Variants in TMEM86A observed in about 807,000 individuals in gnomAD.
TMEM86A encodes the protein transmembrane protein 86A.
Under a neutral mutation model 19.8 loss-of-function variants are expected in TMEM86A, and 13 were observed. The ratio of observed to expected loss-of-function variants is 0.66; its 90% CI spans 0.43 to 1.04. The LOEUF (loss-of-function observed/expected upper bound fraction) is 1.04. Among genes scored for constraint, TMEM86A ranks in the 50% least tolerant of loss-of-function variants. The probability of loss-of-function intolerance (pLI) is 0.00; values close to 1 mark genes in which losing one functional copy is unlikely to be tolerated. For missense variants in TMEM86A, 248 were observed against 306.8 expected (o/e 0.81, Z 1.43); for synonymous variants, 128 against 129.9 (o/e 0.99, Z 0.10).
Position 18,701,712 on chromosome 11 carries a change from C to T in TMEM86A, c.426C>T (p.Ala142=). 1 of 1,614,156 alleles carries T rather than the reference C, an allele frequency of 6.2e-7. No individual in the cohort carries two copies. The highest frequency in any genetic ancestry group is 1.3e-5 in the African/African-American group (1 of 75,058). The change falls in exon 3 of 3, where the codon GCC becomes GCT. Residue 142 remains alanine (A), a synonymous_variant. Coordinates refer to ENST00000280734, the MANE Select transcript of TMEM86A (RefSeq NM_153347.3). This position sits in a 1 kb window ranked among gnomAD's most constrained non-coding sequence, Gnocchi z 5.3. ...TCCTCTACCCATGCCTCTCAGGTGC[C>T]TTCACCTACCTGGTGGGGGTCTATG... ...YALLYPCLSG[A]FTYLVGVYVA...
Position 18,701,341 on chromosome 11 carries a change from G to A in TMEM86A, c.286+144G>A. 1 of 1,214,088 alleles carries A rather than the reference G, an allele frequency of 8.2e-7. No individual in the cohort carries two copies. The highest frequency in any genetic ancestry group is 1.1e-6 in the Non-Finnish European group (1 of 880,074). The allele number at this position is 1,214,088 out of a possible 1,614,324, so 75.2% of individuals were successfully genotyped here. A position where few individuals can be genotyped will look rare whatever the true frequency, so the allele number is the denominator to read the frequency against. Reference sequence around the variant, plus strand: ...GTTTCTGAGGCCAGGGACTGTGAGGGTCCTTGTTAGGGGATGACCTCGCAG... The same window carrying A: ...GTTTCTGAGGCCAGGGACTGTGAGGATCCTTGTTAGGGGATGACCTCGCAG... On this transcript the variant is annotated intron_variant, in intron 2 of 2. Transcript: ENST00000280734. The surrounding 1 kb of genome is among the most constrained non-coding windows in gnomAD (Gnocchi z 5.3).
At chr11:18,700,523 C>G in intron 1 of TMEM86A, 1 of 229,836 alleles carries the variant, frequency 4.4e-6, no homozygotes, top group South Asian at 7.9e-5. Context: ...AAGGCTGCAC[C>G]CTGGCCCCAT....
intron 1 of TMEM86A, chr11:18,700,591 T>A (rs775102169): frequency 1.1e-5 from 4 of 349,326 alleles, no homozygotes; most frequent in Non-Finnish European, 2.1e-5. Flanking sequence ...CTGACTTCAC[T>A]CCATTCCAGA....
chr11:18,704,514 G>A lies in TMEM86A; in HGVS notation c.*2505G>A. ...CTTCTGCAGACTCTCGGTGATGGATGCTACAACTGACTTATCATCTTTGTC... is the reference window on the plus strand; with the variant it reads ...CTTCTGCAGACTCTCGGTGATGGATACTACAACTGACTTATCATCTTTGTC... On this transcript the variant is annotated 3_prime_UTR_variant, in exon 3 of 3. Transcript: ENST00000280734. 6.5e-7 allele frequency: 1 copy of A among 1,550,316 alleles called. No homozygotes were observed. The highest frequency in any genetic ancestry group is 8.7e-7 in the Non-Finnish European group (1 of 1,146,174).
chr11:18,704,404 G>A lies in TMEM86A; in HGVS notation c.*2395G>A. 9.2e-7 allele frequency: 1 copy of A among 1,089,452 alleles called. No individual in the cohort carries two copies. Among genetic ancestry groups the A allele is most frequent in the Non-Finnish European group, 1.4e-6 (1 of 726,396 alleles). The allele number at this position is 1,089,452 out of a possible 1,614,324, so 67.5% of individuals were successfully genotyped here. ...AACTGGGCTTCCTACACTGGGCCATGCAGAGGACAGGCCAAGAAACTCCAC... is the reference window on the plus strand; with the variant it reads ...AACTGGGCTTCCTACACTGGGCCATACAGAGGACAGGCCAAGAAACTCCAC... On this transcript the variant is annotated 3_prime_UTR_variant, in exon 3 of 3. Transcript: ENST00000280734.
intron 1 of TMEM86A, chr11:18,700,581 C>T (rs1305982576): frequency 2.6e-5 from 8 of 313,172 alleles, no homozygotes; most frequent in Admixed American, 4.5e-5. Flanking sequence ...TGGTTTCCCA[C>T]TGACTTCACT....
In TMEM86A at chr11:18,702,258, C is replaced by A; in HGVS notation, c.*249C>A. The A allele has an allele frequency of 1.8e-6, 1 of 554,244 alleles. No homozygotes were observed. Among genetic ancestry groups the A allele is most frequent in the Non-Finnish European group, 3.2e-6 (1 of 309,016 alleles). The allele number at this position is 554,244 out of a possible 1,614,324, so 34.3% of individuals were successfully genotyped here. ...GAGCCAGAAGTAGACATCTCCCCAC[C>A]TCTACCCTATCAGGACTTTCAAAAC... is the stretch of plus-strand genomic sequence containing the variant. On this transcript the variant is annotated 3_prime_UTR_variant, in exon 3 of 3. Coordinates refer to ENST00000280734, the MANE Select transcript of TMEM86A (RefSeq NM_153347.3).
chr11:18,704,433 A>T lies in TMEM86A; in HGVS notation c.*2424A>T. On this transcript the variant is annotated 3_prime_UTR_variant, in exon 3 of 3. Coordinates refer to ENST00000280734, the MANE Select transcript of TMEM86A (RefSeq NM_153347.3). Reference sequence around the variant, plus strand: ...AGGACAGGCCAAGAAACTCCACATCATAACAGCCTCCTGATGCCTGGGCTT... The same window carrying T: ...AGGACAGGCCAAGAAACTCCACATCTTAACAGCCTCCTGATGCCTGGGCTT... 1 of 1,471,986 alleles carries T rather than the reference A, an allele frequency of 6.8e-7. No homozygotes were observed. The highest frequency in any genetic ancestry group is 9.3e-7 in the Non-Finnish European group (1 of 1,074,460). The allele number at this position is 1,471,986 out of a possible 1,614,324, so 91.2% of individuals were successfully genotyped here.
chr11:18,701,861 C>G lies in TMEM86A; in HGVS notation c.575C>G (p.Thr192Ser), dbSNP rs1245683996. 3.7e-6 allele frequency: 6 copies of G among 1,614,074 alleles called. No homozygotes were observed. The highest frequency in any genetic ancestry group is 1.7e-5 in the Admixed American group (1 of 60,014). Residue 192 changes from threonine to serine, a missense_variant, in exon 3 of 3, where the codon ACC (threonine) becomes AGC (serine). Physicochemically the swap from Thr to Ser is moderately conservative, Grantham distance 58. Transcript: ENST00000280734. This position sits in a 1 kb window ranked among gnomAD's most constrained non-coding sequence, Gnocchi z 5.3. ...GALFFIISDL[T>S]IALNKFCFPV... ...CTCTTCTTTATCATCTCAGACCTGA[C>G]CATCGCCCTCAACAAATTCTGTTTT...
rs933485890 is a variant in TMEM86A at position 18,702,108 on chromosome 11, G to C, written c.*99G>C. 6.1e-6 allele frequency: 8 copies of C among 1,302,152 alleles called. No individual in the cohort carries two copies. In the African/African-American group the frequency reaches 1.2e-4, roughly 19 times the overall value. 80.7% of individuals were successfully genotyped at this position (1,302,152 alleles called of 1,614,324 possible). ...TCAGGATGGCTGCAGTGCCAGCCTG[G>C]GGCAGCAGGTACTGCCTGAGGAATT... On this transcript the variant is annotated 3_prime_UTR_variant, in exon 3 of 3. Transcript: ENST00000280734.
chr11:18,704,761 C>T lies in TMEM86A; in HGVS notation c.*2752C>T. ...TACTGTCTCATTTAAGCCTCATAGT[C>T]CTATAAAGAAGATGAGAAAACAGGC... On this transcript the variant is annotated 3_prime_UTR_variant, in exon 3 of 3. Transcript: ENST00000280734. 2 of 509,238 alleles carry T rather than the reference C, an allele frequency of 3.9e-6. No individual in the cohort carries two copies. The highest frequency in any genetic ancestry group is 2.3e-5 in the South Asian group (1 of 43,588). The allele number at this position is 509,238 out of a possible 1,614,324, so 31.5% of individuals were successfully genotyped here.
At position 18,699,631 on chromosome 11, in the gene TMEM86A, C is replaced by T. The variant is rs1012027288; in HGVS notation, c.21+724C>T. On this transcript the variant is annotated intron_variant, in intron 1 of 2. Transcript: ENST00000280734. The surrounding 1 kb of genome is among the most constrained non-coding windows in gnomAD (Gnocchi z 4.0). Reference sequence around the variant, plus strand: ...CAGGTGGTTGCTGGGCATTGTGGGCCTGGGCATCCCCTCCAGCCGCCTCCT... The same window carrying T: ...CAGGTGGTTGCTGGGCATTGTGGGCTTGGGCATCCCCTCCAGCCGCCTCCT... Among the ~76,000 whole-genome samples the T allele has an allele frequency of 6.6e-6, 1 of 152,140 alleles. No individual in the cohort carries two copies. Among genetic ancestry groups the T allele is most frequent in the African/African-American group, 2.4e-5 (1 of 41,430 alleles).
At position 18,704,351 on chromosome 11, in the gene TMEM86A, T is replaced by C. The variant is rs1848180233; in HGVS notation, c.*2342T>C. 5 of 706,160 alleles carry C rather than the reference T, an allele frequency of 7.1e-6. No homozygotes were observed. Among genetic ancestry groups the C allele is most frequent in the South Asian group, 6.1e-5 (4 of 65,488 alleles). 43.7% of individuals were successfully genotyped at this position (706,160 alleles called of 1,614,324 possible). A position where few individuals can be genotyped will look rare whatever the true frequency, so the allele number is the denominator to read the frequency against. ...TTTATTGCCCCATCCCTTCACTGAA[T>C]GTTTACATTAACAAACACCAGAGAG... On this transcript the variant is annotated 3_prime_UTR_variant, in exon 3 of 3. Coordinates refer to ENST00000280734, the MANE Select transcript of TMEM86A (RefSeq NM_153347.3).
In TMEM86A at chr11:18,704,584, C is replaced by T. The variant is rs760510327; in HGVS notation, c.*2575C>T. 2.4e-6 allele frequency: 3 copies of T among 1,237,266 alleles called. No homozygotes were observed. Among genetic ancestry groups the T allele is most frequent in the African/African-American group, 1.5e-5 (1 of 66,976 alleles). The allele number at this position is 1,237,266 out of a possible 1,614,324, so 76.6% of individuals were successfully genotyped here. A position where few individuals can be genotyped will look rare whatever the true frequency, so the allele number is the denominator to read the frequency against. ...TTCGTTATATTAATGATGCTGGCGACCAGGGAAATTCCAAACTGCTGGACT... is the reference window on the plus strand; with the variant it reads ...TTCGTTATATTAATGATGCTGGCGATCAGGGAAATTCCAAACTGCTGGACT... On this transcript the variant is annotated 3_prime_UTR_variant, in exon 3 of 3. Coordinates refer to ENST00000280734, the MANE Select transcript of TMEM86A (RefSeq NM_153347.3).
At position 18,701,597 on chromosome 11, in the gene TMEM86A, A is replaced by T; in HGVS notation, c.311A>T (p.His104Leu). The part of the protein sequence containing the change: ...VHGLLMFAVT[H>L]MFYASAFGMQ... ...GGTCTGCTGATGTTTGCTGTGACCC[A>T]CATGTTCTACGCCTCGGCCTTTGGC... Residue 104 changes from histidine (H) to leucine (L), a missense_variant, in exon 3 of 3, where the codon CAC becomes CTC. Coordinates refer to ENST00000280734, the MANE Select transcript of TMEM86A (RefSeq NM_153347.3). The surrounding 1 kb of genome is among the most constrained non-coding windows in gnomAD (Gnocchi z 5.3). 6.4e-7 allele frequency: 1 copy of T among 1,565,568 alleles called. No individual in the cohort carries two copies. The highest frequency in any genetic ancestry group is 8.7e-7 in the Non-Finnish European group (1 of 1,154,116).
rs772677712 is a variant in TMEM86A, at chr11:18,704,286, G to A, written c.*2277G>A. ...AATCACATCCATCCCCTTGGTCCCTGCTGTATATCACCCTCAGGAACGGGA... is the reference window on the plus strand; with the variant it reads ...AATCACATCCATCCCCTTGGTCCCTACTGTATATCACCCTCAGGAACGGGA... On this transcript the variant is annotated 3_prime_UTR_variant, in exon 3 of 3. Coordinates refer to ENST00000280734, the MANE Select transcript of TMEM86A (RefSeq NM_153347.3). 2.8e-5 allele frequency: 17 copies of A among 597,922 alleles called. No individual in the cohort carries two copies. The highest frequency in any genetic ancestry group is 4.8e-5 in the Non-Finnish European group (16 of 331,384). The allele number at this position is 597,922 out of a possible 1,614,324, so 37.0% of individuals were successfully genotyped here.
rs1240246182 is a variant in TMEM86A, at chr11:18,699,611, G to C, written c.21+704G>C. Among the ~76,000 whole-genome samples, 1 of 152,178 alleles carries C rather than the reference G, an allele frequency of 6.6e-6. No individual in the cohort carries two copies. Among genetic ancestry groups the C allele is most frequent in the Admixed American group, 6.5e-5 (1 of 15,282 alleles). On this transcript the variant is annotated intron_variant, in intron 1 of 2. Transcript: ENST00000280734. This position sits in a 1 kb window ranked among gnomAD's most constrained non-coding sequence, Gnocchi z 4.0. ...TTAATGCTCCCAGGGGCTGGCAGGT[G>C]GTTGCTGGGCATTGTGGGCCTGGGC...
At position 18,701,096 on chromosome 11, in the gene TMEM86A, T is replaced by A; in HGVS notation, c.185T>A (p.Leu62Gln). The stretch of plus-strand genomic sequence containing the variant: ...CTTCTGGCCCATGGCCTGGGATTCC[T>A]GCTGGCCCACCCCAGCGCCACCCGC... The part of the protein sequence containing the change: ...LFLLAHGLGF[L>Q]LAHPSATRIF... Residue 62 changes from leucine (L) to glutamine (Q), a missense_variant, in exon 2 of 3, where the codon CTG becomes CAG. Leu to Gln is a moderately radical substitution (Grantham distance 113). Transcript: ENST00000280734. This position sits in a 1 kb window ranked among gnomAD's most constrained non-coding sequence, Gnocchi z 5.3. 1 of 1,614,192 alleles carries A rather than the reference T, an allele frequency of 6.2e-7. No homozygotes were observed.
Position 18,699,429 on chromosome 11 carries a change from C to T in TMEM86A, c.21+522C>T, listed in dbSNP as rs973424785. 1.3e-5 allele frequency among the ~76,000 whole-genome samples: 2 copies of T among 152,254 alleles called. No homozygotes were observed. The highest frequency in any genetic ancestry group is 1.3e-4 in the Admixed American group (2 of 15,284). On this transcript the variant is annotated intron_variant, in intron 1 of 2. Transcript: ENST00000280734. The surrounding 1 kb of genome is among the most constrained non-coding windows in gnomAD (Gnocchi z 4.0). ...AAAAGGGGGCATTCTCTATGACATC[C>T]CCTGCTTTTCAGACTTTCTCAACTT...
Sources: allele counts gnomAD v4.1 joint callset (sites outside exome capture counted in the v4.1 genomes callset), GRCh38; gene constraint gnomAD v4.1.1; non-coding constraint Gnocchi (gnomAD v3.1); transcripts MANE v1.5; gene names NCBI Gene and HGNC (gene_info 2026-07-23, HGNC 2026-07-21).